Variants in STK32A observed in about 807,000 individuals in gnomAD.
STK32A encodes serine/threonine-protein kinase 32A.
STK32A carries 41 observed loss-of-function variants against 53.2 expected under a neutral mutation model. The ratio of observed to expected loss-of-function variants is 0.77; its 90% CI spans 0.60 to 1.00. STK32A has a LOEUF of 1.00. Among genes scored for constraint, STK32A ranks in the 50% least tolerant of loss-of-function variants. The probability of loss-of-function intolerance (pLI) is 0.00; values close to 1 mark genes in which losing one functional copy is unlikely to be tolerated. For synonymous variants in STK32A, 166 were observed against 162.8 expected, an observed-to-expected ratio of 1.02 and a Z score of -0.15; for missense variants, 458 against 485.8, an observed-to-expected ratio of 0.94 and a Z score of 0.54.
chr5:147,306,214 G>T (rs899028443), intron 4 of STK32A, among the ~76,000 whole-genome samples: 5 of 151,804 alleles, frequency 3.3e-5, no homozygotes, highest in Admixed American at 3.3e-4. Context: ...ATGAGTTTGG[G>T]CATATTTTTG....
At chr5:147,393,793 G>T in the STK32A span, 1 of 529,142 alleles carries the variant, frequency 1.9e-6, no homozygotes, top group Non-Finnish European at 3.4e-6. Context: ...CTGTCTGATT[G>T]CATGCATGTA....
the STK32A span, among the ~76,000 whole-genome samples, chr5:147,396,909 C>T: frequency 6.8e-6 from 1 of 146,886 alleles, no homozygotes; most frequent in Admixed American, 6.9e-5. Flanking sequence ...AAGTATAATA[C>T]AATAAATACA....
chr5:147,294,908 C>T (rs1232668749), intron 4 of STK32A, among the ~76,000 whole-genome samples: 4 of 152,170 alleles, frequency 2.6e-5, no homozygotes, highest in African/African-American at 9.7e-5. Context: ...TGGTCTCGAT[C>T]TCCTGACCGC....
At chr5:147,349,258 G>A (rs750248213) in intron 6 of STK32A, among the ~76,000 whole-genome samples, 44 of 152,236 alleles carry the variant, frequency 2.9e-4, no homozygotes, top group Non-Finnish European at 1.2e-4. Context: ...AACACTTTCT[G>A]CACAAAATAA....
chr5:147,329,481 CT>C (rs1409704845), intron 5 of STK32A, among the ~76,000 whole-genome samples: 12 of 152,214 alleles, frequency 7.9e-5, no homozygotes, highest in African/African-American at 2.9e-4. Flanking sequence ...GACAATCCCC[CT>C]GTCATAAGAA....
chr5:147,373,690 T>C (rs1326292955), intron 10 of STK32A, among the ~76,000 whole-genome samples: 1 of 152,044 alleles, frequency 6.6e-6, no homozygotes, highest in African/African-American at 2.4e-5. Context: ...GAATTGAAAA[T>C]TGTTGGAGTT....
At chr5:147,378,137 C>A (rs2152006540) in intron 11 of STK32A, among the ~76,000 whole-genome samples, 1 of 152,044 alleles carries the variant, frequency 6.6e-6, no homozygotes, top group African/African-American at 2.4e-5. Context: ...TGTAAAATTC[C>A]TGCTTTGTTA....
chr5:147,340,002 T>C (rs1036981293), intron 5 of STK32A, among the ~76,000 whole-genome samples: 1 of 152,230 alleles, frequency 6.6e-6, no homozygotes, highest in African/African-American at 2.4e-5. Context: ...TTCCCAGAAC[T>C]GAGGGTTCCT....
At chr5:147,319,955 T>G (rs972577987) in intron 4 of STK32A, among the ~76,000 whole-genome samples, 1 of 152,208 alleles carries the variant, frequency 6.6e-6, no homozygotes, top group African/African-American at 2.4e-5. Flanking sequence ...TTTTCAAGCT[T>G]TTTTGACTGC....
chr5:147,265,963 G>A (rs1378963835), intron 2 of STK32A, among the ~76,000 whole-genome samples: 3 of 152,050 alleles, frequency 2.0e-5, no homozygotes, highest in African/African-American at 4.8e-5. Context: ...GGCAAATCAC[G>A]CAATATTCCT....
chr5:147,364,577 C>A (rs1756661696), intron 8 of STK32A, among the ~76,000 whole-genome samples: 1 of 152,134 alleles, frequency 6.6e-6, no homozygotes, highest in Non-Finnish European at 1.5e-5. Context: ...GTGGCTTAGG[C>A]AACAGAAATT....
At chr5:147,269,761 G>A (rs1034704912) in intron 2 of STK32A, among the ~76,000 whole-genome samples, 5 of 152,116 alleles carry the variant, frequency 3.3e-5, no homozygotes, top group African/African-American at 4.8e-5. Context: ...GGAATTTAAT[G>A]TGCTGTATAT....
chr5:147,293,267 A>G (rs1752691509), intron 4 of STK32A, among the ~76,000 whole-genome samples: 1 of 152,172 alleles, frequency 6.6e-6, no homozygotes, highest in Non-Finnish European at 1.5e-5. Context: ...TACTGATCAT[A>G]TATACCAAAA....
Position 147,258,267 on chromosome 5 carries a change from C to A in STK32A, c.52+18581C>A, listed in dbSNP as rs1308987789. Among the ~76,000 whole-genome samples the A allele has an allele frequency of 6.6e-5, 10 of 151,786 alleles. No homozygotes were observed. The South Asian group carries it at 2.1e-3, about 32-fold the overall frequency. On this transcript the variant is annotated intron_variant, in intron 2 of 12. Coordinates refer to ENST00000397936, the MANE Select transcript of STK32A (RefSeq NM_001112724.2). ...CTGTATGATACCCCTTAAACTTTAG[C>A]CAATATGTTTACACACAGAATTTCC...
At chr5:147,316,934 A>G (rs1167310871) in intron 4 of STK32A, among the ~76,000 whole-genome samples, 1 of 151,874 alleles carries the variant, frequency 6.6e-6, no homozygotes, top group African/African-American at 2.4e-5. Flanking sequence ...GAGTAACTAA[A>G]TAATTGATTA....
At chr5:147,397,970 T>A in the STK32A span, 2 of 989,864 alleles carry the variant, frequency 2.0e-6, no homozygotes, top group Non-Finnish European at 1.4e-6. Flanking sequence ...AAGCTCACCA[T>A]GCATCTGCAA....
intron 5 of STK32A, 141 bp downstream of exon 5, chr5:147,324,212 T>C (rs1177817572): frequency 1.1e-6 from 1 of 900,258 alleles, no homozygotes; most frequent in East Asian, 2.8e-5. Context: ...AGGTTGATTG[T>C]CTTCATTTTG....
chr5:147,262,971 A>G (rs1458648559), intron 2 of STK32A, among the ~76,000 whole-genome samples: 1 of 150,716 alleles, frequency 6.6e-6, no homozygotes, highest in Non-Finnish European at 1.5e-5. Flanking sequence ...AAAACTAGTC[A>G]TGTCCCTTCT....
At chr5:147,249,623 G>T (rs1229105819) in intron 2 of STK32A, among the ~76,000 whole-genome samples, 3 of 151,936 alleles carry the variant, frequency 2.0e-5, no homozygotes, top group Non-Finnish European at 2.9e-5. Context: ...ATCAAAAGTG[G>T]CCTATTGTGC....
Sources: allele counts gnomAD v4.1 joint callset (sites outside exome capture counted in the v4.1 genomes callset), GRCh38; gene constraint gnomAD v4.1.1; transcripts MANE v1.5; gene names NCBI Gene and HGNC (gene_info 2026-07-23, HGNC 2026-07-21).